The following PRKCH variants were observed in gnomAD, a reference collection of about 807,000 sequenced individuals.
PRKCH encodes protein kinase C eta type.
A neutral mutation model predicts 82.5 loss-of-function variants in PRKCH; 28 were observed. The observed-to-expected ratio is 0.34, with a 90% CI of 0.25 to 0.47. The LOEUF is 0.47. Ranked by LOEUF, PRKCH falls within the 20% of genes least tolerant of loss-of-function variation. The pLI is 1.00. For synonymous variants in PRKCH, 322 were observed against 327.4 expected (o/e 0.98, Z 0.18); for missense variants, 705 against 881.8 (o/e 0.80, Z 2.54).
At chr14:61,363,635 T>C (rs1035910406) in intron 1 of PRKCH, among the ~76,000 whole-genome samples, 2 of 151,948 alleles carry the variant, frequency 1.3e-5, no homozygotes, top group African/African-American at 4.8e-5. Context: ...TGAATGTGAG[T>C]CTGACGCTCT....
chr14:61,210,284 A>G (rs1323223159), intron 1 of PRKCH, among the ~76,000 whole-genome samples: 1 of 151,594 alleles, frequency 6.6e-6, no homozygotes, highest in East Asian at 1.9e-4. Flanking sequence ...ACTGCACTCC[A>G]GCCTGAGTGA....
chr14:61,421,584 A>G (rs945065898), intron 2 of PRKCH, among the ~76,000 whole-genome samples: 4 of 152,116 alleles, frequency 2.6e-5, no homozygotes, highest in Admixed American at 6.5e-5. Flanking sequence ...TTTAAATCTC[A>G]TCTCCTACCA....
chr14:61,254,537 G>A (rs1369371445), intron 1 of PRKCH, among the ~76,000 whole-genome samples: 1 of 152,114 alleles, frequency 6.6e-6, no homozygotes, highest in Non-Finnish European at 1.5e-5. Context: ...AATCACTTGA[G>A]CTCGGGAGGT....
intron 10 of PRKCH, among the ~76,000 whole-genome samples, chr14:61,498,888 G>C (rs925192077): frequency 1.6e-5 from 2 of 128,626 alleles, no homozygotes; most frequent in Admixed American, 8.0e-5. Context: ...TCATACACGT[G>C]TTTGGGGTTT....
In PRKCH at chr14:61,334,222, G is replaced by A. The variant is rs559683133; in HGVS notation, c.363+11758G>A. On this transcript the variant is annotated intron_variant, in intron 1 of 13. Coordinates refer to ENST00000332981, the MANE Select transcript of PRKCH (RefSeq NM_006255.5). The stretch of plus-strand genomic sequence containing the variant: ...TATTAAGTATCTACCTTGTGCCTGA[G>A]CCTGTTCTAGGTGTTACAGGTAGGG... Among the ~76,000 whole-genome samples the A allele has an allele frequency of 2.6e-5, 4 of 152,296 alleles. No individual in the cohort carries two copies. The East Asian group carries it at 5.8e-4, about 22-fold the overall frequency.
At chr14:61,370,908 G>A (rs1027035597) in intron 1 of PRKCH, among the ~76,000 whole-genome samples, 17 of 152,038 alleles carry the variant, frequency 1.1e-4, no homozygotes, top group Non-Finnish European at 2.9e-5. Flanking sequence ...AATGGGATGT[G>A]CTGTGACACT....
At chr14:61,427,244 G>T (rs1479003309) in intron 2 of PRKCH, among the ~76,000 whole-genome samples, 1 of 152,194 alleles carries the variant, frequency 6.6e-6, no homozygotes, top group Admixed American at 6.5e-5. Flanking sequence ...GGATAAATTA[G>T]TTATTATCTA....
intron 1 of PRKCH, among the ~76,000 whole-genome samples, chr14:61,236,152 G>A (rs546240865): frequency 5.4e-4 from 82 of 152,254 alleles, no homozygotes; most frequent in African/African-American, 1.9e-3. Context: ...GGCAGATGAC[G>A]TGAGGTCAGG....
At chr14:61,510,766 TG>T (rs1244399512) in intron 10 of PRKCH, among the ~76,000 whole-genome samples, 2 of 152,054 alleles carry the variant, frequency 1.3e-5, no homozygotes, top group Non-Finnish European at 2.9e-5. Flanking sequence ...CTGGGCAGAT[TG>T]GGCCCTGAAC....
intron 1 of PRKCH, among the ~76,000 whole-genome samples, chr14:61,307,630 A>G (rs929569186): frequency 6.6e-5 from 10 of 152,312 alleles, no homozygotes; most frequent in African/African-American, 2.4e-4. Context: ...TCTCTAGCAT[A>G]TCTTCAAATG....
At chr14:61,236,724 A>AAAAG (rs2044792148) in intron 1 of PRKCH, among the ~76,000 whole-genome samples, 1 of 148,534 alleles carries the variant, frequency 6.7e-6, no homozygotes, top group Non-Finnish European at 1.5e-5. Flanking sequence ...AAAAAAAAAA[A>AAAAG]AAAAAAAGAA....
At chr14:61,507,425 A>G (rs1269155292) in intron 10 of PRKCH, among the ~76,000 whole-genome samples, 1 of 152,176 alleles carries the variant, frequency 6.6e-6, no homozygotes, top group East Asian at 1.9e-4. Flanking sequence ...CAGCAATCCC[A>G]TTCCTGGATC....
chr14:61,208,552 C>A (rs1472633094), intron 1 of PRKCH, among the ~76,000 whole-genome samples: 1 of 152,064 alleles, frequency 6.6e-6, no homozygotes, highest in Non-Finnish European at 1.5e-5. Flanking sequence ...AGATTGAATT[C>A]CTTGACTAGT....
intron 4 of PRKCH, among the ~76,000 whole-genome samples, chr14:61,446,319 A>G (rs1371280767): frequency 6.6e-6 from 1 of 152,268 alleles, no homozygotes; most frequent in Non-Finnish European, 1.5e-5. Flanking sequence ...ATACAATGGC[A>G]GGAATGGAAG....
chr14:61,333,564 A>G (rs909789872), intron 1 of PRKCH, among the ~76,000 whole-genome samples: 1 of 152,188 alleles, frequency 6.6e-6, no homozygotes, highest in African/African-American at 2.4e-5. Flanking sequence ...GTTCTTAAAA[A>G]TGTGTTCTCA....
intron 10 of PRKCH, among the ~76,000 whole-genome samples, chr14:61,519,975 G>A (rs1264707940): frequency 1.3e-5 from 2 of 151,380 alleles, no homozygotes; most frequent in African/African-American, 4.9e-5. Context: ...ACATTCCCTT[G>A]GAGCCTGGGT....
intron 1 of PRKCH, among the ~76,000 whole-genome samples, chr14:61,312,210 A>T (rs559431815): frequency 6.6e-6 from 1 of 152,238 alleles, no homozygotes; most frequent in Non-Finnish European, 1.5e-5. Flanking sequence ...TTGAATAAAC[A>T]TTTGCTAAAT....
chr14:61,369,691 G>A (rs945156564), intron 1 of PRKCH, among the ~76,000 whole-genome samples: 22 of 151,856 alleles, frequency 1.4e-4, no homozygotes, highest in African/African-American at 4.1e-4. Flanking sequence ...TTTGTCTTTC[G>A]AATCAACTCT....
intron 1 of PRKCH, among the ~76,000 whole-genome samples, chr14:61,354,563 CT>C (rs2046124456): frequency 6.6e-6 from 1 of 151,928 alleles, no homozygotes; most frequent in African/African-American, 2.4e-5. Context: ...AAAGTTTATT[CT>C]ATAAGCATTT....
Sources: gnomAD v4.1 joint callset for allele counts (sites outside exome capture counted in the v4.1 genomes callset) on GRCh38, gnomAD v4.1.1 for gene constraint, MANE v1.5 for transcripts, NCBI Gene and HGNC (gene_info 2026-07-23, HGNC 2026-07-21) for gene names.